Variants in TENM3 observed in about 807,000 individuals in gnomAD.
TENM3 encodes the protein teneurin-3.
Under a neutral mutation model 255.1 loss-of-function variants are expected in TENM3, and 63 were observed. That is an observed-to-expected ratio of 0.25 (90% confidence interval 0.20 to 0.30). TENM3 has a LOEUF of 0.30. Among genes scored for constraint, TENM3 ranks in the 10% least tolerant of loss-of-function variants. TENM3 has a pLI of 1.00. For synonymous variants in TENM3, 1,306 were observed against 1,322.3 expected (o/e 0.99, Z 0.27); for missense variants, 2,929 against 3,461.1 (o/e 0.85, Z 3.86).
the TENM3 span, among the ~76,000 whole-genome samples, chr4:181,861,546 G>C: frequency 1.3e-5 from 2 of 152,020 alleles, no homozygotes; most frequent in Non-Finnish European, 2.9e-5. Context: ...ATTTGTTCAA[G>C]TTTTTTCTCT....
intron 3 of TENM3, among the ~76,000 whole-genome samples, chr4:182,386,753 T>G (rs180942369): frequency 0.086 from 13,103 of 152,296 alleles, 867 homozygotes; most frequent in African/African-American, 0.18. Context: ...CCGGCGCTGC[T>G]CTCGATTTCT....
At chr4:182,162,175 C>T (rs1207295739) in intron 1 of TENM3, among the ~76,000 whole-genome samples, 2 of 151,776 alleles carry the variant, frequency 1.3e-5, no homozygotes, top group African/African-American at 4.8e-5. Flanking sequence ...AGCTACCACA[C>T]CTGGCGAATT....
intron 3 of TENM3, among the ~76,000 whole-genome samples, chr4:182,587,135 G>T (rs1746102634): frequency 6.6e-6 from 1 of 151,932 alleles, no homozygotes; most frequent in South Asian, 2.1e-4. Flanking sequence ...CTGTTGCCCA[G>T]GCTGAAGCAC....
intron 3 of TENM3, among the ~76,000 whole-genome samples, chr4:182,432,080 A>T (rs1038528022): frequency 6.6e-6 from 1 of 151,744 alleles, no homozygotes; most frequent in Non-Finnish European, 1.5e-5. Context: ...AAGTCTCAAA[A>T]AAAAAAAAAA....
chr4:181,480,565 A>T, the TENM3 span, among the ~76,000 whole-genome samples: 1 of 151,974 alleles, frequency 6.6e-6, no homozygotes, highest in East Asian at 1.9e-4. Context: ...TTTAGAAGGA[A>T]TATTTTTTAT....
the TENM3 span, among the ~76,000 whole-genome samples, chr4:182,087,506 G>A: frequency 1.3e-5 from 2 of 152,096 alleles, no homozygotes; most frequent in East Asian, 3.9e-4. Flanking sequence ...TATTTTTCTT[G>A]TATTAAGCTT....
upstream of TENM3, among the ~76,000 whole-genome samples, chr4:182,140,175 T>G (rs1211990799): frequency 6.6e-6 from 1 of 152,214 alleles, no homozygotes; most frequent in Non-Finnish European, 1.5e-5. Context: ...TTAGTGTTGT[T>G]CACTGTTGCA....
At chr4:182,174,287 A>G (rs1480494323) in intron 1 of TENM3, among the ~76,000 whole-genome samples, 2 of 151,890 alleles carry the variant, frequency 1.3e-5, no homozygotes, top group Admixed American at 6.6e-5. Context: ...TAGATCATCT[A>G]TTAGAAATGT....
chr4:181,623,571 C>A, the TENM3 span, among the ~76,000 whole-genome samples: 1 of 152,170 alleles, frequency 6.6e-6, no homozygotes, highest in Non-Finnish European at 1.5e-5. Flanking sequence ...TGAAACTCGG[C>A]CTCTTTATTG....
the TENM3 span, among the ~76,000 whole-genome samples, chr4:181,801,968 T>A: frequency 1.8e-4 from 27 of 152,270 alleles, 1 homozygote; most frequent in African/African-American, 5.1e-4. Context: ...AGATTTTTTT[T>A]AAAATGTACC....
chr4:182,095,271 A>T, the TENM3 span, among the ~76,000 whole-genome samples: 1 of 152,230 alleles, frequency 6.6e-6, no homozygotes, highest in Non-Finnish European at 1.5e-5. Flanking sequence ...ATACAGAATC[A>T]ACCTAAGTAC....
chr4:182,781,509 T>A (rs901405193), intron 24 of TENM3, among the ~76,000 whole-genome samples: 2 of 152,162 alleles, frequency 1.3e-5, no homozygotes, highest in African/African-American at 4.8e-5. Flanking sequence ...GATATTGGTC[T>A]AAAATTCTTT....
chr4:182,134,481 C>T, the TENM3 span, among the ~76,000 whole-genome samples: 1 of 152,134 alleles, frequency 6.6e-6, no homozygotes, highest in Non-Finnish European at 1.5e-5. Flanking sequence ...AGACTCTTAG[C>T]TCATAATCTT....
chr4:182,295,071 G>A (rs1761378125), intron 1 of TENM3, among the ~76,000 whole-genome samples: 1 of 151,746 alleles, frequency 6.6e-6, no homozygotes, highest in Non-Finnish European at 1.5e-5. Flanking sequence ...TTTGAGTGAT[G>A]GATTAAGAGG....
chr4:182,574,286 A>G (rs1744704380), intron 3 of TENM3, among the ~76,000 whole-genome samples: 1 of 152,120 alleles, frequency 6.6e-6, no homozygotes, highest in African/African-American at 2.4e-5. Context: ...GCAATTTACC[A>G]TGGCTTTATT....
At chr4:181,866,960 T>C in the TENM3 span, among the ~76,000 whole-genome samples, 1 of 152,154 alleles carries the variant, frequency 6.6e-6, no homozygotes. Flanking sequence ...TTCTGAAACT[T>C]GAAGTTTTGT....
chr4:182,320,418 TC>T (rs1410117651), intron 1 of TENM3, among the ~76,000 whole-genome samples: 1 of 152,226 alleles, frequency 6.6e-6, no homozygotes, highest in Non-Finnish European at 1.5e-5. Flanking sequence ...CCATTCGTGC[TC>T]CTTGGCTTTC....
At chr4:182,397,407 A>G (rs1375300878) in intron 3 of TENM3, among the ~76,000 whole-genome samples, 1 of 127,662 alleles carries the variant, frequency 7.8e-6, no homozygotes, top group Non-Finnish European at 1.6e-5. Flanking sequence ...CTAAAAAAAA[A>G]AAAAAAAAAA....
At chr4:182,438,578 C>T (rs967188572) in intron 3 of TENM3, among the ~76,000 whole-genome samples, 1 of 152,014 alleles carries the variant, frequency 6.6e-6, no homozygotes, top group African/African-American at 2.4e-5. Context: ...CTTATGAAAC[C>T]CTGCCAGAAA....
Sources: gnomAD v4.1 joint callset for allele counts (sites outside exome capture counted in the v4.1 genomes callset) on GRCh38, gnomAD v4.1.1 for gene constraint, MANE v1.5 for transcripts, NCBI Gene and HGNC (gene_info 2026-07-23, HGNC 2026-07-21) for gene names.